Variants in DNM3 observed in about 807,000 individuals in gnomAD.
The protein encoded by DNM3 is dynamin-3.
A neutral mutation model predicts 101.6 loss-of-function variants in DNM3; 47 were observed. The ratio of observed to expected loss-of-function variants is 0.46; its 90% CI spans 0.37 to 0.59. DNM3 has a LOEUF of 0.59. DNM3 is among the 20% of genes least tolerant of loss of function. DNM3 has a pLI of 0.00. For missense variants in DNM3, 849 were observed against 1,085.7 expected, an observed-to-expected ratio of 0.78 and a Z score of 3.06; for synonymous variants, 385 against 387.9, an observed-to-expected ratio of 0.99 and a Z score of 0.09.
chr1:172,306,700 G>A (rs113440429), intron 15 of DNM3, among the ~76,000 whole-genome samples: 5,686 of 152,206 alleles, frequency 0.037, 333 homozygotes, highest in African/African-American at 0.12. Flanking sequence ...CAATGGGACA[G>A]AACAGAGGCC....
At chr1:172,092,970 T>G in intron 13 of DNM3, 95 bp downstream of exon 13, 2 of 1,190,610 alleles carry the variant, frequency 1.7e-6, no homozygotes, top group Non-Finnish European at 1.2e-6. Context: ...ATTAATCACG[T>G]GCAAATTTTG....
At chr1:172,144,219 C>G (rs1019735474) in intron 14 of DNM3, 1 of 151,744 alleles carries the variant, frequency 6.6e-6, no homozygotes, top group Non-Finnish European at 1.5e-5. Context: ...TCGCTATATA[C>G]CACACACTTT....
At chr1:172,388,894 A>C in intron 20 of DNM3, 85 bp downstream of exon 20, 1 of 1,173,512 alleles carries the variant, frequency 8.5e-7, no homozygotes, top group Non-Finnish European at 1.2e-6. Flanking sequence ...TTGAAAGAGA[A>C]AATTGCAAAG....
chr1:171,901,312 A>G (rs1273853108), intron 1 of DNM3, among the ~76,000 whole-genome samples: 1 of 152,096 alleles, frequency 6.6e-6, no homozygotes, highest in Non-Finnish European at 1.5e-5. Context: ...TCCCGAAAGA[A>G]GACAGCACGG....
At chr1:172,382,176 C>A (rs1324822031) in intron 18 of DNM3, among the ~76,000 whole-genome samples, 1 of 152,126 alleles carries the variant, frequency 6.6e-6, no homozygotes, top group Non-Finnish European at 1.5e-5. Context: ...TTAAACATAC[C>A]AGGTAACAGC....
chr1:171,955,444 A>G (rs1171625058), intron 2 of DNM3, among the ~76,000 whole-genome samples: 1 of 152,212 alleles, frequency 6.6e-6, no homozygotes, highest in Admixed American at 6.5e-5. Context: ...TGGCAGATAT[A>G]AGGGCATCAG....
In DNM3 at chr1:172,017,936, T is replaced by C. The variant is rs951751817; in HGVS notation, c.590-14466T>C. On this transcript the variant is annotated intron_variant, in intron 4 of 20. Transcript: ENST00000627582. ...TGCCTTCTTAGAGAAATGACCTTTT[T>C]ATTATTATATAATGCCCCTCTTTTC... Among the ~76,000 whole-genome samples, 8 of 152,292 alleles carry C rather than the reference T, an allele frequency of 5.3e-5. No individual in the cohort carries two copies. The South Asian group carries it at 6.2e-4, about 12-fold the overall frequency.
At chr1:171,853,712 G>A (rs552717392) in intron 1 of DNM3, among the ~76,000 whole-genome samples, 1 of 151,684 alleles carries the variant, frequency 6.6e-6, no homozygotes, top group African/African-American at 2.4e-5. Context: ...TCCTCCTTTC[G>A]CATGTGGGAT....
intron 13 of DNM3, among the ~76,000 whole-genome samples, chr1:172,106,369 C>T (rs1379844872): frequency 1.3e-5 from 2 of 151,880 alleles, no homozygotes; most frequent in Admixed American, 6.6e-5. Flanking sequence ...TGCTGTGAGC[C>T]GACATCGTGC....
intron 14 of DNM3, among the ~76,000 whole-genome samples, chr1:172,218,381 C>T (rs1392097290): frequency 6.6e-6 from 1 of 151,522 alleles, no homozygotes; most frequent in Non-Finnish European, 1.5e-5. Context: ...CTTTGTTACA[C>T]TGGTAACATT....
intron 17 of DNM3, 122 bp downstream of exon 17, chr1:172,323,462 T>A: frequency 8.3e-7 from 1 of 1,202,476 alleles, no homozygotes; most frequent in Non-Finnish European, 1.1e-6. Flanking sequence ...GTGCACGAAT[T>A]ATATGGGGTG....
intron 17 of DNM3, among the ~76,000 whole-genome samples, chr1:172,357,443 C>T (rs1421381166): frequency 2.0e-5 from 3 of 152,002 alleles, no homozygotes; most frequent in Admixed American, 1.3e-4. Flanking sequence ...ATTTATGTGG[C>T]GTGTTTTTGC....
chr1:171,852,724 G>A (rs2125003503), intron 1 of DNM3, among the ~76,000 whole-genome samples: 1 of 152,320 alleles, frequency 6.6e-6, no homozygotes, highest in African/African-American at 2.4e-5. Context: ...TTAACGTAGA[G>A]GAGACTGTTC....
Position 172,118,203 on chromosome 1 carries a change from A to G in DNM3, c.1546-12972A>G, listed in dbSNP as rs749426534. 4.5e-4 allele frequency among the ~76,000 whole-genome samples: 69 copies of G among 152,164 alleles called. 1 individual carries two copies. The highest frequency in any genetic ancestry group is 1.3e-4 in the Non-Finnish European group (9 of 68,018). ...ATACATGCATGCATTTTTCCCTAGA[A>G]CATTAGTATTTATGGTAGTGGGTTC... On this transcript the variant is annotated intron_variant, in intron 13 of 20. Coordinates refer to ENST00000627582, the MANE Select transcript of DNM3 (RefSeq NM_015569.5).
chr1:172,078,432 G>T (rs2052854157), intron 11 of DNM3, among the ~76,000 whole-genome samples: 1 of 151,846 alleles, frequency 6.6e-6, no homozygotes, highest in African/African-American at 2.4e-5. Flanking sequence ...CAGCAACTAG[G>T]ATTGCAACCC....
intron 4 of DNM3, among the ~76,000 whole-genome samples, chr1:172,020,179 G>A (rs2047736856): frequency 1.3e-5 from 2 of 152,130 alleles, no homozygotes; most frequent in Non-Finnish European, 2.9e-5. Context: ...TAGATCTCAT[G>A]TCTTTTAGTG....
At chr1:172,300,556 A>G (rs1303182057) in intron 15 of DNM3, among the ~76,000 whole-genome samples, 1 of 152,208 alleles carries the variant, frequency 6.6e-6, no homozygotes, top group Non-Finnish European at 1.5e-5. Flanking sequence ...AAAATAAGCA[A>G]TGGGGAAAGG....
At chr1:172,223,619 TTTATC>T (rs1172756313) in intron 14 of DNM3, among the ~76,000 whole-genome samples, 2 of 152,150 alleles carry the variant, frequency 1.3e-5, no homozygotes, top group Non-Finnish European at 2.9e-5. Flanking sequence ...ATGACTTGCC[TTTATC>T]TATTGTTCCC....
chr1:172,374,920 C>A (rs2068523933), intron 17 of DNM3, among the ~76,000 whole-genome samples: 1 of 152,016 alleles, frequency 6.6e-6, no homozygotes, highest in African/African-American at 2.4e-5. Flanking sequence ...ACCTTATAAT[C>A]CCTTAATACC....
Sources: gnomAD v4.1 joint callset for allele counts (sites outside exome capture counted in the v4.1 genomes callset) on GRCh38, gnomAD v4.1.1 for gene constraint, MANE v1.5 for transcripts, NCBI Gene and HGNC (gene_info 2026-07-23, HGNC 2026-07-21) for gene names.